Variants in CAMK2A observed in about 807,000 individuals in gnomAD.
CAMK2A encodes the protein calcium/calmodulin-dependent protein kinase type II subunit alpha.
In CAMK2A, 7 loss-of-function variants were observed where a neutral mutation model predicts 79.2. The ratio of observed to expected loss-of-function variants is 0.09; its 90% CI spans 0.05 to 0.17. The LOEUF (loss-of-function observed/expected upper bound fraction) is 0.17, where lower values mean the gene tolerates loss of function less well. Among genes scored for constraint, CAMK2A ranks in the 10% least tolerant of loss-of-function variants. CAMK2A has a pLI of 1.00. For synonymous variants in CAMK2A, 242 were observed against 251.7 expected, an observed-to-expected ratio of 0.96 and a Z score of 0.36; for missense variants, 214 against 646.4, an observed-to-expected ratio of 0.33 and a Z score of 7.25.
intron 12 of CAMK2A, among the ~76,000 whole-genome samples, chr5:150,247,286 C>G (rs1442873182): frequency 3.3e-5 from 5 of 152,252 alleles, no homozygotes; most frequent in Admixed American, 6.5e-5. Context: ...CAGAGCTCAC[C>G]TTCCTGAGCT....
chr5:150,225,908 C>T (rs963417996), intron 17 of CAMK2A, among the ~76,000 whole-genome samples: 10 of 152,052 alleles, frequency 6.6e-5, no homozygotes, highest in Admixed American at 1.3e-4. Context: ...CCATACCTGG[C>T]TAATTTTTGT....
At chr5:150,255,261 G>T (rs185734766) in intron 6 of CAMK2A, among the ~76,000 whole-genome samples, 1 of 152,346 alleles carries the variant, frequency 6.6e-6, no homozygotes, top group African/African-American at 2.4e-5. Context: ...GACCCTCTTG[G>T]AGTGCACACT....
intron 1 of CAMK2A, among the ~76,000 whole-genome samples, chr5:150,275,153 G>A (rs1412665019): frequency 1.3e-5 from 2 of 152,202 alleles, no homozygotes; most frequent in Non-Finnish European, 2.9e-5. Flanking sequence ...AAGCTAGAGA[G>A]GGCCAGAATT....
chr5:150,274,875 T>C (rs1580949312), intron 1 of CAMK2A, among the ~76,000 whole-genome samples: 1 of 152,174 alleles, frequency 6.6e-6, no homozygotes, highest in Non-Finnish European at 1.5e-5. Flanking sequence ...ACCCATCACA[T>C]CCTTCAAACT....
At chr5:150,228,416 G>C (rs956936329) in intron 16 of CAMK2A, 130 bp from the exon 17 acceptor site, 1 of 649,936 alleles carries the variant, frequency 1.5e-6, no homozygotes, top group Non-Finnish European at 2.7e-6. Flanking sequence ...ATGGGAAGGG[G>C]CCAGGGGCTT....
At chr5:150,244,751 G>A (rs550867164) in intron 13 of CAMK2A, among the ~76,000 whole-genome samples, 1 of 152,270 alleles carries the variant, frequency 6.6e-6, no homozygotes, top group Admixed American at 6.5e-5. Flanking sequence ...TGTACAGCGG[G>A]GCAGGGGCCC....
At chr5:150,231,482 C>A in intron 15 of CAMK2A, 102 bp from the exon 16 acceptor site, 1 of 483,650 alleles carries the variant, frequency 2.1e-6, no homozygotes, top group Non-Finnish European at 3.3e-6. Flanking sequence ...TTTCTTGAGT[C>A]CTTATCATGT....
intron 16 of CAMK2A, among the ~76,000 whole-genome samples, chr5:150,229,193 G>T (rs2114023036): frequency 6.6e-6 from 1 of 152,330 alleles, no homozygotes; most frequent in African/African-American, 2.4e-5. Context: ...CATTCACAGG[G>T]TGCACTGTCC....
intron 13 of CAMK2A, among the ~76,000 whole-genome samples, chr5:150,244,456 G>C (rs1755472327): frequency 6.6e-6 from 1 of 152,242 alleles, no homozygotes; most frequent in Non-Finnish European, 1.5e-5. Flanking sequence ...CTCAAGAGAG[G>C]ATAAGATCGA....
intron 13 of CAMK2A, among the ~76,000 whole-genome samples, chr5:150,241,696 C>T (rs1223561419): frequency 6.7e-6 from 1 of 149,162 alleles, no homozygotes; most frequent in Non-Finnish European, 1.5e-5. Context: ...CTCAACTCCT[C>T]CTCCTTCCTC....
chr5:150,246,170 A>G (rs1755560901), intron 12 of CAMK2A, among the ~76,000 whole-genome samples: 1 of 152,176 alleles, frequency 6.6e-6, no homozygotes, highest in Non-Finnish European at 1.5e-5. Flanking sequence ...CATGGGGCTC[A>G]TGGCAGGTCA....
intron 13 of CAMK2A, among the ~76,000 whole-genome samples, chr5:150,241,427 C>T (rs1363880837): frequency 1.4e-5 from 2 of 145,660 alleles, no homozygotes; most frequent in Non-Finnish European, 3.0e-5. Context: ...TTCTCTTCCC[C>T]TCCCCTCCCC....
At chr5:150,251,921 GA>G in intron 8 of CAMK2A, 60 bp downstream of exon 8, 2 of 1,565,966 alleles carry the variant, frequency 1.3e-6, no homozygotes, top group South Asian at 1.1e-5. Context: ...GGAAAGGAGA[GA>G]GGGGGCCCCA....
At chr5:150,274,430 T>C (rs1756871365) in intron 1 of CAMK2A, among the ~76,000 whole-genome samples, 1 of 152,206 alleles carries the variant, frequency 6.6e-6, no homozygotes, top group South Asian at 2.1e-4. Context: ...AGGATGGTAT[T>C]AGGCCAAACA....
intron 14 of CAMK2A, among the ~76,000 whole-genome samples, chr5:150,239,004 C>G (rs115373868): frequency 0.029 from 4,400 of 152,176 alleles, 205 homozygotes; most frequent in African/African-American, 0.1. Context: ...GACTGAGGGG[C>G]GTCCTGGGTC....
intron 17 of CAMK2A, among the ~76,000 whole-genome samples, chr5:150,227,563 A>G (rs549650973): frequency 6.6e-6 from 1 of 152,268 alleles, no homozygotes; most frequent in East Asian, 1.9e-4. Context: ...AGACAGACAC[A>G]GGCAGAAAGC....
intron 1 of CAMK2A, among the ~76,000 whole-genome samples, chr5:150,283,164 T>C (rs1302709358): frequency 6.6e-6 from 1 of 152,190 alleles, no homozygotes; most frequent in Non-Finnish European, 1.5e-5. Context: ...CCAGACAATC[T>C]ACAGGTTTTT....
intron 1 of CAMK2A, among the ~76,000 whole-genome samples, chr5:150,282,234 C>G (rs1157844345): frequency 6.6e-6 from 1 of 152,164 alleles, no homozygotes; most frequent in Non-Finnish European, 1.5e-5. Flanking sequence ...AAACACCAAT[C>G]CAGCAGAAGT....
chr5:150,259,778 G>A (rs777133832), intron 3 of CAMK2A, among the ~76,000 whole-genome samples: 6 of 151,850 alleles, frequency 4.0e-5, no homozygotes, highest in Non-Finnish European at 7.4e-5. Flanking sequence ...AGACCAGCCC[G>A]GCCAATATGG....
Sources: allele counts gnomAD v4.1 joint callset (sites outside exome capture counted in the v4.1 genomes callset), GRCh38; gene constraint gnomAD v4.1.1; transcripts MANE v1.5; gene names NCBI Gene and HGNC (gene_info 2026-07-23, HGNC 2026-07-21).